Variants in AUTS2 observed in about 807,000 individuals in gnomAD.
The protein encoded by AUTS2 is activator of transcription and developmental regulator AUTS2.
A neutral mutation model predicts 112.4 loss-of-function variants in AUTS2; 17 were observed. The ratio of observed to expected loss-of-function variants is 0.15; its 90% CI spans 0.10 to 0.23. The LOEUF is 0.23. Among genes scored for constraint, AUTS2 ranks in the 10% least tolerant of loss-of-function variants. The pLI is 1.00. For synonymous variants in AUTS2, 751 were observed against 702.7 expected (o/e 1.07, Z -1.09); for missense variants, 1,510 against 1,701.6 (o/e 0.89, Z 1.98).
chr7:69,815,038 C>G lies in AUTS2; in HGVS notation c.310-84248C>G, dbSNP rs568565596. ...TAGTGATGCCTCAGTTGTAAATTACCCTGGCTTTGCCATGAAGACATTTAC... is the reference window on the plus strand; with the variant it reads ...TAGTGATGCCTCAGTTGTAAATTACGCTGGCTTTGCCATGAAGACATTTAC... On this transcript the variant is annotated intron_variant, in intron 1 of 18. Coordinates refer to ENST00000342771, the MANE Select transcript of AUTS2 (RefSeq NM_015570.4). 3.3e-5 allele frequency among the ~76,000 whole-genome samples: 5 copies of G among 152,102 alleles called. No homozygotes were observed. In the South Asian group the frequency reaches 1.0e-3, roughly 32 times the overall value.
intron 4 of AUTS2, among the ~76,000 whole-genome samples, chr7:70,233,567 T>A (rs1476654848): frequency 6.6e-6 from 1 of 152,214 alleles, no homozygotes; most frequent in East Asian, 1.9e-4. Flanking sequence ...TGCGGGCAGA[T>A]ACATTTGTCA....
intron 13 of AUTS2, among the ~76,000 whole-genome samples, chr7:70,775,668 C>T (rs1198072308): frequency 1.3e-5 from 2 of 151,942 alleles, no homozygotes; most frequent in African/African-American, 2.4e-5. Context: ...CTAGTTGGAA[C>T]TTAAGGGGAA....
intron 2 of AUTS2, among the ~76,000 whole-genome samples, chr7:69,942,275 C>T (rs1796655532): frequency 6.6e-6 from 1 of 152,128 alleles, no homozygotes; most frequent in East Asian, 1.9e-4. Context: ...TGTGGGCACT[C>T]AGTAAATCTT....
chr7:69,644,322 C>G (rs1322883898), intron 1 of AUTS2, among the ~76,000 whole-genome samples: 1 of 151,886 alleles, frequency 6.6e-6, no homozygotes, highest in African/African-American at 2.4e-5. Flanking sequence ...TAGAGGACCC[C>G]TAGACTTTTT....
intron 1 of AUTS2, among the ~76,000 whole-genome samples, chr7:69,656,626 A>G (rs1795553451): frequency 6.6e-6 from 1 of 152,178 alleles, no homozygotes; most frequent in African/African-American, 2.4e-5. Flanking sequence ...CTCCTCCCTG[A>G]CATTGAAGAG....
intron 5 of AUTS2, among the ~76,000 whole-genome samples, chr7:70,648,759 A>G (rs572180343): frequency 6.6e-6 from 1 of 151,738 alleles, no homozygotes; most frequent in African/African-American, 2.4e-5. Context: ...TTTTTTTTTA[A>G]ATTTTTGGTA....
chr7:69,947,873 T>C (rs756129612), intron 2 of AUTS2, among the ~76,000 whole-genome samples: 2 of 152,154 alleles, frequency 1.3e-5, no homozygotes, highest in Admixed American at 6.6e-5. Flanking sequence ...TTCTTATAGG[T>C]TAGGAAACTG....
chr7:69,683,821 G>C (rs1207643868), intron 1 of AUTS2, among the ~76,000 whole-genome samples: 1 of 151,726 alleles, frequency 6.6e-6, no homozygotes, highest in Admixed American at 6.6e-5. Flanking sequence ...TGAGGTAGGA[G>C]AATCACTTGA....
intron 6 of AUTS2, among the ~76,000 whole-genome samples, chr7:70,757,348 G>T (rs1347632209): frequency 6.6e-6 from 1 of 152,094 alleles, no homozygotes; most frequent in African/African-American, 2.4e-5. Context: ...TCTCTTATTA[G>T]TTCTAATATT....
At chr7:69,858,224 G>A (rs1375568351) in intron 1 of AUTS2, among the ~76,000 whole-genome samples, 1 of 152,184 alleles carries the variant, frequency 6.6e-6, no homozygotes, top group African/African-American at 2.4e-5. Context: ...TATTATCTTT[G>A]TATGTTCAAA....
intron 1 of AUTS2, among the ~76,000 whole-genome samples, chr7:69,740,450 TGAAA>T (rs1440384015): frequency 6.6e-6 from 1 of 152,138 alleles, no homozygotes; most frequent in African/African-American, 2.4e-5. Flanking sequence ...CTTAGGCAAG[TGAAA>T]GAAAGGAAGA....
chr7:70,743,589 G>A (rs1585611374), intron 6 of AUTS2, among the ~76,000 whole-genome samples: 1 of 149,974 alleles, frequency 6.7e-6, no homozygotes, highest in Non-Finnish European at 1.5e-5. Flanking sequence ...CTGTTTCTTT[G>A]TACCCAAAAA....
At chr7:70,778,061 C>T (rs1790821663) in intron 14 of AUTS2, among the ~76,000 whole-genome samples, 1 of 152,112 alleles carries the variant, frequency 6.6e-6, no homozygotes, top group South Asian at 2.1e-4. Context: ...ACCTCGCTGT[C>T]CAAAGACGAT....
At chr7:69,716,743 A>G (rs919570010) in intron 1 of AUTS2, among the ~76,000 whole-genome samples, 2 of 152,146 alleles carry the variant, frequency 1.3e-5, no homozygotes, top group Non-Finnish European at 2.9e-5. Context: ...TGTACTTCTG[A>G]CCAACCAGCT....
intron 6 of AUTS2, among the ~76,000 whole-genome samples, chr7:70,731,499 G>A (rs544458049): frequency 7.7e-4 from 101 of 130,486 alleles, no homozygotes; most frequent in African/African-American, 2.8e-3. Context: ...GTGCAATCTC[G>A]GCTCACTGCA....
chr7:70,776,761 T>A, intron 13 of AUTS2: 1 of 374,098 alleles, frequency 2.7e-6, no homozygotes, highest in Non-Finnish European at 5.0e-6. Flanking sequence ...AAGTAGGGCT[T>A]CCCACTCTAC....
intron 1 of AUTS2, among the ~76,000 whole-genome samples, chr7:69,888,468 A>G (rs1794371454): frequency 6.7e-6 from 1 of 149,206 alleles, no homozygotes; most frequent in African/African-American, 2.5e-5. Flanking sequence ...GAGGGAGGGC[A>G]TTAATCTATT....
At chr7:69,790,143 T>A (rs1265118872) in intron 1 of AUTS2, among the ~76,000 whole-genome samples, 4 of 151,430 alleles carry the variant, frequency 2.6e-5, no homozygotes, top group East Asian at 3.9e-4. Flanking sequence ...AAAAAAAAAA[T>A]GGCTGAATGT....
intron 4 of AUTS2, among the ~76,000 whole-genome samples, chr7:70,193,045 T>C (rs1584861189): frequency 1.3e-5 from 2 of 152,316 alleles, no homozygotes; most frequent in African/African-American, 4.8e-5. Flanking sequence ...ATGGTAAAAA[T>C]GTAATCAACC....
Sources: gnomAD v4.1 joint callset for allele counts (sites outside exome capture counted in the v4.1 genomes callset) on GRCh38, gnomAD v4.1.1 for gene constraint, MANE v1.5 for transcripts, NCBI Gene and HGNC (gene_info 2026-07-23, HGNC 2026-07-21) for gene names.